THSD4: variants seen among roughly 807,000 people sequenced by gnomAD.
THSD4 encodes thrombospondin type-1 domain-containing protein 4.
Under a neutral mutation model 119.0 loss-of-function variants are expected in THSD4, and 69 were observed. The observed-to-expected ratio is 0.58, with a 90% CI of 0.48 to 0.71. The LOEUF is 0.71. THSD4 is among the 30% of genes least tolerant of loss of function. The probability of loss-of-function intolerance (pLI) is 0.00; values close to 1 mark genes in which losing one functional copy is unlikely to be tolerated. For missense variants in THSD4, 1,393 were observed against 1,391.1 expected, an observed-to-expected ratio of 1.00 and a Z score of -0.02; for synonymous variants, 524 against 540.4, an observed-to-expected ratio of 0.97 and a Z score of 0.42.
At chr15:71,143,686 T>C (rs1245837731) in intron 2 of THSD4, among the ~76,000 whole-genome samples, 3 of 113,474 alleles carry the variant, frequency 2.6e-5, no homozygotes, top group East Asian at 3.9e-4. Context: ...TTTTTCTTTC[T>C]TTTTTTTTTC....
intron 7 of THSD4, among the ~76,000 whole-genome samples, chr15:71,449,016 C>T (rs755153108): frequency 6.6e-6 from 1 of 152,192 alleles, no homozygotes; most frequent in African/African-American, 2.4e-5. Flanking sequence ...TCCCTCACAG[C>T]AGCCAAAGTG....
chr15:71,459,334 C>T (rs2047387430), intron 7 of THSD4, among the ~76,000 whole-genome samples: 1 of 135,316 alleles, frequency 7.4e-6, no homozygotes, highest in Non-Finnish European at 1.6e-5. Context: ...ATCTCTCTCT[C>T]TCTGTCTCTC....
intron 6 of THSD4, among the ~76,000 whole-genome samples, chr15:71,369,232 A>T (rs911404481): frequency 6.6e-6 from 1 of 152,098 alleles, no homozygotes; most frequent in African/African-American, 2.4e-5. Flanking sequence ...TGCAAACAGG[A>T]ACAATTTGAC....
intron 7 of THSD4, among the ~76,000 whole-genome samples, chr15:71,570,398 ATATACTTTTTTTTTCTTTTTT>A (rs1221305174): frequency 7.8e-6 from 1 of 128,370 alleles, no homozygotes; most frequent in Non-Finnish European, 1.7e-5. Context: ...GATTACTCAG[ATATACTTTTTTTTTCTTTTTT>A]TTTTTGAGAT....
intron 6 of THSD4, among the ~76,000 whole-genome samples, chr15:71,368,803 T>A (rs181718168): frequency 1.3e-5 from 2 of 152,314 alleles, no homozygotes; most frequent in Admixed American, 1.3e-4. Flanking sequence ...TTAAAGTAGT[T>A]TTTTCCAATT....
intron 6 of THSD4, among the ~76,000 whole-genome samples, chr15:71,352,539 A>C (rs1374221921): frequency 1.3e-5 from 2 of 152,118 alleles, no homozygotes; most frequent in African/African-American, 2.4e-5. Flanking sequence ...AAACCAGGTA[A>C]ATTTTACTAA....
intron 6 of THSD4, among the ~76,000 whole-genome samples, chr15:71,286,115 CTGT>C (rs2044714819): frequency 1.3e-5 from 2 of 152,086 alleles, no homozygotes; most frequent in South Asian, 4.1e-4. Context: ...CATGCTTTTA[CTGT>C]TGTTGTTACT....
chr15:71,503,655 G>T (rs533280511), intron 7 of THSD4, among the ~76,000 whole-genome samples: 2 of 152,252 alleles, frequency 1.3e-5, no homozygotes, highest in East Asian at 3.9e-4. Context: ...ACATACTCAG[G>T]GAGCCACCAC....
rs577223101 is a variant in THSD4 at position 71,153,451 on chromosome 15, A to G, written c.30-1412A>G. On this transcript the variant is annotated intron_variant, in intron 2 of 17. Coordinates refer to ENST00000261862, the MANE Select transcript of THSD4 (RefSeq NM_024817.3). ...GATCCTCAGCTGCAACTCCATGACA[A>G]CAGCAAGAAGGATGCCTGCAACACC... Among the ~76,000 whole-genome samples, 7 of 152,272 alleles carry G rather than the reference A, an allele frequency of 4.6e-5. No individual in the cohort carries two copies. The South Asian group carries it at 1.5e-3, about 32-fold the overall frequency.
intron 7 of THSD4, among the ~76,000 whole-genome samples, chr15:71,654,621 T>C (rs2051153781): frequency 6.6e-6 from 1 of 152,212 alleles, no homozygotes. Flanking sequence ...GGAAGATATT[T>C]ATCATATACA....
chr15:71,239,377 G>T (rs1353915539), intron 4 of THSD4, among the ~76,000 whole-genome samples: 7 of 151,908 alleles, frequency 4.6e-5, no homozygotes, highest in Admixed American at 3.3e-4. Context: ...CTTAATCCTG[G>T]TCCTGTTTGA....
intron 1 of THSD4, among the ~76,000 whole-genome samples, chr15:71,097,708 G>GTATATA (rs199991097): frequency 1.0e-4 from 14 of 138,196 alleles, no homozygotes; most frequent in African/African-American, 3.1e-4. Flanking sequence ...ACAGAAAGAT[G>GTATATA]TATATATATA....
At chr15:71,547,404 G>C (rs1392957590) in intron 7 of THSD4, 1 of 1,550,352 alleles carries the variant, frequency 6.5e-7, no homozygotes, top group Admixed American at 2.0e-5. Flanking sequence ...CTAACTTTGG[G>C]TAATAATGTT....
chr15:71,493,036 G>A (rs960164109), intron 7 of THSD4, among the ~76,000 whole-genome samples: 1 of 152,190 alleles, frequency 6.6e-6, no homozygotes, highest in Non-Finnish European at 1.5e-5. Context: ...TCTTGGCTTA[G>A]AGGAGTCGAC....
chr15:71,660,192 T>C (rs898542691), intron 7 of THSD4, among the ~76,000 whole-genome samples: 1 of 152,180 alleles, frequency 6.6e-6, no homozygotes, highest in African/African-American at 2.4e-5. Context: ...ATTCTTTATA[T>C]AAAAATCCCA....
intron 7 of THSD4, among the ~76,000 whole-genome samples, chr15:71,558,360 C>T (rs559216355): frequency 6.6e-6 from 1 of 152,240 alleles, no homozygotes; most frequent in African/African-American, 2.4e-5. Context: ...ATGTTCAGCT[C>T]ATTTATTTTT....
At position 71,286,767 on chromosome 15, in the gene THSD4, C is replaced by A. The variant is rs112583337; in HGVS notation, c.1015+30052C>A. ...TGGCTGAACTAATTTACACTCCCACCAACAGTGTATAAGCATTTCTTTTTC... is the reference window on the plus strand; with the variant it reads ...TGGCTGAACTAATTTACACTCCCACAAACAGTGTATAAGCATTTCTTTTTC... On this transcript the variant is annotated intron_variant, in intron 6 of 17. Transcript: ENST00000261862. Among the ~76,000 whole-genome samples the A allele has an allele frequency of 8.3e-3, 1,266 of 152,282 alleles. 20 individuals are homozygous for A. The highest frequency in any genetic ancestry group is 0.027 in the African/African-American group (1,110 of 41,542).
intron 6 of THSD4, among the ~76,000 whole-genome samples, chr15:71,313,740 C>G (rs1042362608): frequency 6.6e-6 from 1 of 152,156 alleles, no homozygotes; most frequent in Non-Finnish European, 1.5e-5. Flanking sequence ...TTACCCCTCC[C>G]CAGAAGCAGC....
At chr15:71,098,189 CTTTTTTTTTTTT>C (rs55726832) in intron 1 of THSD4, among the ~76,000 whole-genome samples, 1 of 83,260 alleles carries the variant, frequency 1.2e-5, no homozygotes, top group African/African-American at 6.3e-5. Flanking sequence ...AATTCTTTCA[CTTTTTTTTTTTT>C]TTTTTTTTTT....
Sources: gnomAD v4.1 joint callset for allele counts (sites outside exome capture counted in the v4.1 genomes callset) on GRCh38, gnomAD v4.1.1 for gene constraint, MANE v1.5 for transcripts, NCBI Gene and HGNC (gene_info 2026-07-23, HGNC 2026-07-21) for gene names.